Variants in RBFOX3 observed in about 807,000 individuals in gnomAD.
RBFOX3 encodes the protein RNA binding fox-1 homolog 3.
RBFOX3 carries 17 observed loss-of-function variants against 48.7 expected under a neutral mutation model. The ratio of observed to expected loss-of-function variants is 0.35; its 90% CI spans 0.24 to 0.52. The LOEUF (loss-of-function observed/expected upper bound fraction) is 0.52, where lower values mean the gene tolerates loss of function less well. Ranked by LOEUF, RBFOX3 falls within the 20% of genes least tolerant of loss-of-function variation. RBFOX3 has a pLI of 0.94. For synonymous variants in RBFOX3, 212 were observed against 209.5 expected, an observed-to-expected ratio of 1.01 and a Z score of -0.10; for missense variants, 382 against 497.5, an observed-to-expected ratio of 0.77 and a Z score of 2.21.
chr17:79,624,261 G>C, the RBFOX3 span, among the ~76,000 whole-genome samples: 1 of 152,072 alleles, frequency 6.6e-6, no homozygotes, highest in African/African-American at 2.4e-5. Context: ...CTCCTTCCCC[G>C]AGACCCGTCA....
intron 2 of RBFOX3, among the ~76,000 whole-genome samples, chr17:79,380,594 T>C (rs1362768230): frequency 6.6e-6 from 1 of 152,122 alleles, no homozygotes; most frequent in Non-Finnish European, 1.5e-5. Context: ...CATTTGTCCT[T>C]TGGAAATGGG....
At chr17:79,097,899 A>G in intron 9 of RBFOX3, 154 bp from the exon 10 acceptor site, 1 of 719,692 alleles carries the variant, frequency 1.4e-6, no homozygotes, top group Non-Finnish European at 2.4e-6. Context: ...CACTGCCCGG[A>G]CAAGTGCTGA....
chr17:79,237,424 C>G (rs565893652), intron 3 of RBFOX3, among the ~76,000 whole-genome samples: 4 of 152,214 alleles, frequency 2.6e-5, no homozygotes, highest in Non-Finnish European at 5.9e-5. Flanking sequence ...ATAAAGAAAC[C>G]AAGGCCCCAG....
intron 2 of RBFOX3, among the ~76,000 whole-genome samples, chr17:79,469,061 C>CGACT (rs1429281223): frequency 2.6e-5 from 4 of 151,834 alleles, no homozygotes; most frequent in Admixed American, 2.6e-4. Flanking sequence ...ATTGACTGAT[C>CGACT]GACTGACAGA....
intron 4 of RBFOX3, among the ~76,000 whole-genome samples, chr17:79,118,373 G>A (rs1003107698): frequency 6.6e-6 from 1 of 152,174 alleles, no homozygotes; most frequent in African/African-American, 2.4e-5. Flanking sequence ...AGCTGGTGAG[G>A]CCCCATCGTC....
rs747290694 is a variant in RBFOX3, at chr17:79,155,415, G to A, written c.-33-39667C>T. 4.6e-5 allele frequency among the ~76,000 whole-genome samples: 7 copies of A among 152,376 alleles called. No homozygotes were observed. The East Asian group carries it at 5.8e-4, about 13-fold the overall frequency. On this transcript the variant is annotated intron_variant, in intron 4 of 14. Coordinates refer to ENST00000693108, the MANE Select transcript of RBFOX3 (RefSeq NM_001350451.2). ...GCCAGTGGGCAGGGAGGTCCGGGGC[G>A]GCAGGCTCCCAGCTCCATCAGACGG...
Position 79,311,434 on chromosome 17 carries a change from C to CA in RBFOX3, c.-174-3611dup, listed in dbSNP as rs35265527. On this transcript the variant is annotated intron_variant, in intron 2 of 14. Transcript: ENST00000693108. The surrounding 1 kb of genome is among the most constrained non-coding windows in gnomAD (Gnocchi z 4.2). ...GGTAAGAAGAGCGAGACTCCATCTC[C>CA]AAAAAAAAAAAAAAAAAAAACAGAC... Among the ~76,000 whole-genome samples, 30 of 102,534 alleles carry CA rather than the reference C, an allele frequency of 2.9e-4. No homozygotes were observed. Among genetic ancestry groups the CA allele is most frequent in the African/African-American group, 5.0e-4 (15 of 29,874 alleles). The allele number at this position is 102,534 out of a possible 152,430, so 67.3% of individuals were successfully genotyped here. A position where few individuals can be genotyped will look rare whatever the true frequency, so the allele number is the denominator to read the frequency against.
chr17:79,180,967 T>C (rs1476603364), intron 4 of RBFOX3, among the ~76,000 whole-genome samples: 1 of 152,198 alleles, frequency 6.6e-6, no homozygotes, highest in Non-Finnish European at 1.5e-5. Flanking sequence ...CAGGGATGCA[T>C]TCACCTAGCT....
At chr17:79,300,978 G>A (rs527653406) in intron 3 of RBFOX3, among the ~76,000 whole-genome samples, 3 of 152,302 alleles carry the variant, frequency 2.0e-5, no homozygotes, top group Admixed American at 6.5e-5. Context: ...GCAGGGCCCT[G>A]ACTCCGGCCT....
the RBFOX3 span, among the ~76,000 whole-genome samples, chr17:79,646,827 GC>G: frequency 6.6e-6 from 1 of 152,088 alleles, no homozygotes; most frequent in East Asian, 1.9e-4. Context: ...GCCACCCTCT[GC>G]CCCATGACCT....
At chr17:79,093,464 C>T (rs1009683842) in intron 14 of RBFOX3, among the ~76,000 whole-genome samples, 3 of 151,922 alleles carry the variant, frequency 2.0e-5, no homozygotes, top group East Asian at 1.9e-4. Flanking sequence ...CACCTCCATC[C>T]GGGTGGGGCC....
At chr17:79,135,734 A>G (rs2040037307) in intron 4 of RBFOX3, among the ~76,000 whole-genome samples, 1 of 152,096 alleles carries the variant, frequency 6.6e-6, no homozygotes, top group Admixed American at 6.5e-5. Flanking sequence ...CCTAAAATCC[A>G]CAAGCGGCCT....
At chr17:79,197,384 CTTTCTTTTTT>C (rs2055830692) in intron 4 of RBFOX3, among the ~76,000 whole-genome samples, 1 of 115,338 alleles carries the variant, frequency 8.7e-6, no homozygotes, top group East Asian at 2.8e-4. Flanking sequence ...TTCTTTCTTT[CTTTCTTTTTT>C]TTTTTTTTTT....
intron 2 of RBFOX3, among the ~76,000 whole-genome samples, chr17:79,393,087 A>C (rs529874003): frequency 6.7e-4 from 102 of 152,336 alleles, no homozygotes; most frequent in African/African-American, 2.3e-3. Context: ...CTGTGCCCCC[A>C]AAATATGTAG....
chr17:79,169,645 C>A (rs187928900), intron 4 of RBFOX3, among the ~76,000 whole-genome samples: 2 of 152,186 alleles, frequency 1.3e-5, no homozygotes, highest in Non-Finnish European at 2.9e-5. Context: ...CATGAGGCAG[C>A]CCCAAAAGGC....
At chr17:79,309,696 T>G (rs947778496) in intron 2 of RBFOX3, among the ~76,000 whole-genome samples, 1 of 152,170 alleles carries the variant, frequency 6.6e-6, no homozygotes, top group Non-Finnish European at 1.5e-5. Context: ...GGGAGGGACC[T>G]GGTGGGAGGT....
intron 1 of RBFOX3, among the ~76,000 whole-genome samples, chr17:79,511,130 C>T (rs2084115109): frequency 6.6e-6 from 1 of 152,170 alleles, no homozygotes; most frequent in Non-Finnish European, 1.5e-5. Flanking sequence ...AGAACAACTG[C>T]TTGGCTGGCA....
intron 2 of RBFOX3, among the ~76,000 whole-genome samples, chr17:79,463,517 T>A (rs1555751029): frequency 1.5e-5 from 1 of 64,630 alleles, no homozygotes; most frequent in Non-Finnish European, 3.2e-5. Flanking sequence ...CACTGCCACC[T>A]CCACCATCGC....
At chr17:79,335,992 C>T (rs890676571) in intron 2 of RBFOX3, among the ~76,000 whole-genome samples, 2 of 152,232 alleles carry the variant, frequency 1.3e-5, no homozygotes, top group Admixed American at 6.5e-5. Context: ...CTGCCTGCGC[C>T]GCTTCGTAGA....
Sources: gnomAD v4.1 joint callset for allele counts (sites outside exome capture counted in the v4.1 genomes callset) on GRCh38, gnomAD v4.1.1 for gene constraint, Gnocchi (gnomAD v3.1) non-coding constraint, MANE v1.5 for transcripts, NCBI Gene and HGNC (gene_info 2026-07-23, HGNC 2026-07-21) for gene names.